Variants in VAT1L observed in about 807,000 individuals in gnomAD.
The protein encoded by VAT1L is putative NADPH-dependent quinone oxidoreductase VAT1L.
VAT1L carries 34 observed loss-of-function variants against 44.1 expected under a neutral mutation model. The observed-to-expected ratio is 0.77, with a 90% confidence interval of 0.59 to 1.03. VAT1L has a LOEUF of 1.03. VAT1L is among the 50% of genes least tolerant of loss of function. The pLI, the probability that VAT1L is intolerant of heterozygous loss-of-function variation, is 0.00. For synonymous variants in VAT1L, 253 were observed against 202.2 expected (o/e 1.25, Z -2.13); for missense variants, 615 against 538.8 (o/e 1.14, Z -1.40).
At chr16:77,854,546 TG>T (rs1270480388) in intron 3 of VAT1L, among the ~76,000 whole-genome samples, 31 of 152,326 alleles carry the variant, frequency 2.0e-4, no homozygotes, top group Admixed American at 6.5e-4. Flanking sequence ...GAGCTTGTAT[TG>T]TTGTAAGAAA....
intron 7 of VAT1L, among the ~76,000 whole-genome samples, chr16:77,928,784 C>T (rs1399107427): frequency 4.0e-5 from 6 of 151,412 alleles, no homozygotes; most frequent in Non-Finnish European, 2.9e-5. Flanking sequence ...CTGTTGAAGT[C>T]TTCTAAGTCA....
chr16:77,816,446 G>C (rs1361949475), intron 1 of VAT1L, among the ~76,000 whole-genome samples: 2 of 152,180 alleles, frequency 1.3e-5, no homozygotes, highest in African/African-American at 4.8e-5. Flanking sequence ...TGGTTGTTTT[G>C]AGACCTTAGG....
At chr16:77,968,335 G>A (rs1402083939) in intron 7 of VAT1L, among the ~76,000 whole-genome samples, 5 of 152,148 alleles carry the variant, frequency 3.3e-5, no homozygotes, top group African/African-American at 1.2e-4. Context: ...AAAGTCAAGT[G>A]GTGAAACAAT....
intron 7 of VAT1L, among the ~76,000 whole-genome samples, chr16:77,928,854 G>A (rs1368513329): frequency 6.6e-6 from 1 of 151,972 alleles, no homozygotes; most frequent in Admixed American, 6.6e-5. Flanking sequence ...GTCTCACTCT[G>A]TCACCAGGCT....
intron 2 of VAT1L, among the ~76,000 whole-genome samples, chr16:77,820,338 A>C (rs1250648669): frequency 6.6e-6 from 1 of 152,200 alleles, no homozygotes; most frequent in East Asian, 1.9e-4. Flanking sequence ...GGCTGAGGCT[A>C]CTTCCAGCTA....
intron 7 of VAT1L, among the ~76,000 whole-genome samples, chr16:77,923,650 G>A (rs748341878): frequency 7.9e-5 from 12 of 152,020 alleles, no homozygotes; most frequent in African/African-American, 1.2e-4. Context: ...TTTCTCCTCC[G>A]GGCCTCAGTT....
At chr16:77,810,420 A>G (rs370777485) in intron 1 of VAT1L, among the ~76,000 whole-genome samples, 1 of 152,204 alleles carries the variant, frequency 6.6e-6, no homozygotes, top group Non-Finnish European at 1.5e-5. Flanking sequence ...ACCATTCACA[A>G]TACTACTAAC....
At chr16:77,901,977 G>C (rs1036824988) in intron 7 of VAT1L, among the ~76,000 whole-genome samples, 3 of 152,170 alleles carry the variant, frequency 2.0e-5, no homozygotes, top group South Asian at 4.1e-4. Flanking sequence ...CTATCAGCCA[G>C]TTTTTCAGCC....
At chr16:77,846,318 G>T (rs181002265) in intron 3 of VAT1L, among the ~76,000 whole-genome samples, 1 of 152,220 alleles carries the variant, frequency 6.6e-6, no homozygotes, top group South Asian at 2.1e-4. Flanking sequence ...AGCAGGTTCC[G>T]CTTGATCCCT....
intron 7 of VAT1L, among the ~76,000 whole-genome samples, chr16:77,946,695 A>G (rs889803332): frequency 1.3e-5 from 2 of 152,236 alleles, no homozygotes; most frequent in Non-Finnish European, 2.9e-5. Flanking sequence ...CACTCTGGGA[A>G]GATGTGACTT....
At chr16:77,928,302 T>C (rs1402743364) in intron 7 of VAT1L, among the ~76,000 whole-genome samples, 1 of 152,130 alleles carries the variant, frequency 6.6e-6, no homozygotes, top group Non-Finnish European at 1.5e-5. Context: ...ATGAGAAAAA[T>C]TACATAATTG....
At chr16:77,865,247 A>G (rs972274101) in intron 4 of VAT1L, among the ~76,000 whole-genome samples, 4 of 152,234 alleles carry the variant, frequency 2.6e-5, no homozygotes, top group African/African-American at 9.6e-5. Context: ...TGCTGGTATT[A>G]CAGGTGTGAC....
intron 3 of VAT1L, among the ~76,000 whole-genome samples, chr16:77,850,272 C>A (rs2016795341): frequency 6.6e-6 from 1 of 152,188 alleles, no homozygotes; most frequent in African/African-American, 2.4e-5. Flanking sequence ...AGGCTGTATG[C>A]ACACTTCTCT....
chr16:77,976,757 G>A (rs772817859), intron 8 of VAT1L, among the ~76,000 whole-genome samples: 5 of 152,150 alleles, frequency 3.3e-5, no homozygotes, highest in African/African-American at 4.8e-5. Context: ...TTATAAGGTA[G>A]GTGGATTTAT....
chr16:77,974,208 C>A (rs544376019), intron 8 of VAT1L, among the ~76,000 whole-genome samples: 1 of 152,206 alleles, frequency 6.6e-6, no homozygotes, highest in African/African-American at 2.4e-5. Context: ...GATGAGAGGG[C>A]AACGAGAGGG....
intron 1 of VAT1L, among the ~76,000 whole-genome samples, chr16:77,791,132 G>A (rs765213891): frequency 7.9e-5 from 12 of 152,214 alleles, no homozygotes; most frequent in African/African-American, 2.7e-4. Flanking sequence ...CCACTGGGCA[G>A]CTCCTTCTCC....
intron 7 of VAT1L, among the ~76,000 whole-genome samples, chr16:77,945,265 C>T (rs2017945950): frequency 1.0e-5 from 1 of 96,720 alleles, no homozygotes; most frequent in Non-Finnish European, 2.3e-5. Flanking sequence ...ATGGCCAATT[C>T]CAGATTGCAG....
rs573978485 is a variant in VAT1L, at chr16:77,856,440, C to G, written c.580-6308C>G. Among the ~76,000 whole-genome samples the G allele has an allele frequency of 2.0e-5, 3 of 152,266 alleles. No individual in the cohort carries two copies. In the South Asian group the frequency reaches 6.2e-4, roughly 32 times the overall value. ...TTTCAACTGGGCCCCATCCCAATCTCAAAACTGTTATAGCTAAAAACTGCT... is the reference window on the plus strand; with the variant it reads ...TTTCAACTGGGCCCCATCCCAATCTGAAAACTGTTATAGCTAAAAACTGCT... On this transcript the variant is annotated intron_variant, in intron 3 of 8. Coordinates refer to ENST00000302536, the MANE Select transcript of VAT1L (RefSeq NM_020927.3).
chr16:77,865,575 C>T (rs1567491989), intron 4 of VAT1L, among the ~76,000 whole-genome samples: 3 of 152,240 alleles, frequency 2.0e-5, no homozygotes, highest in East Asian at 1.9e-4. Flanking sequence ...TTCACATTTT[C>T]GACATGTGCT....
Sources: gnomAD v4.1 joint callset for allele counts (sites outside exome capture counted in the v4.1 genomes callset) on GRCh38, gnomAD v4.1.1 for gene constraint, MANE v1.5 for transcripts, NCBI Gene and HGNC (gene_info 2026-07-23, HGNC 2026-07-21) for gene names.